The following ZNF407 variants were observed in gnomAD, a reference collection of about 807,000 sequenced individuals.
The protein encoded by ZNF407 is zinc finger protein 407.
ZNF407 carries 17 observed loss-of-function variants against 131.2 expected under a neutral mutation model. The observed-to-expected ratio is 0.13, with a 90% CI of 0.09 to 0.19. ZNF407 has a LOEUF of 0.19. Ranked by LOEUF, ZNF407 falls within the 10% of genes least tolerant of loss-of-function variation. ZNF407 has a pLI of 1.00. For missense variants in ZNF407, 2,681 were observed against 2,830.6 expected, an observed-to-expected ratio of 0.95 and a Z score of 1.20; for synonymous variants, 1,156 against 1,062.0, an observed-to-expected ratio of 1.09 and a Z score of -1.72.
intron 8 of ZNF407, among the ~76,000 whole-genome samples, chr18:75,019,820 G>T (rs1042967234): frequency 2.0e-5 from 3 of 152,080 alleles, no homozygotes; most frequent in Non-Finnish European, 4.4e-5. Context: ...ACCTTCCCAT[G>T]GTGGCAGGAG....
chr18:74,771,552 G>GTTA (rs1969361206), intron 3 of ZNF407, among the ~76,000 whole-genome samples: 1 of 151,680 alleles, frequency 6.6e-6, no homozygotes, highest in South Asian at 2.1e-4. Flanking sequence ...AATAATTTCA[G>GTTA]TTTTATATTA....
At chr18:74,759,766 C>A (rs1969050158) in intron 3 of ZNF407, among the ~76,000 whole-genome samples, 1 of 147,730 alleles carries the variant, frequency 6.8e-6, no homozygotes, top group Non-Finnish European at 1.5e-5. Flanking sequence ...TCTTATTTTC[C>A]TGTATTTCTT....
intron 4 of ZNF407, among the ~76,000 whole-genome samples, chr18:74,870,104 T>TAGA (rs1971066079): frequency 6.6e-6 from 1 of 152,224 alleles, no homozygotes; most frequent in South Asian, 2.1e-4. Flanking sequence ...TGGTTCTTAG[T>TAGA]AGACTGAGGC....
chr18:74,817,218 G>A (rs1970279368), intron 4 of ZNF407, among the ~76,000 whole-genome samples: 2 of 152,250 alleles, frequency 1.3e-5, no homozygotes, highest in South Asian at 4.2e-4. Context: ...TTACTCTTTT[G>A]CAGTTTGGAT....
intron 3 of ZNF407, among the ~76,000 whole-genome samples, chr18:74,702,552 G>C (rs1967523885): frequency 6.6e-6 from 1 of 151,956 alleles, no homozygotes; most frequent in South Asian, 2.1e-4. Flanking sequence ...AAGGCATGTG[G>C]ATATTTTTGA....
chr18:74,851,076 A>T (rs935463960), intron 4 of ZNF407, among the ~76,000 whole-genome samples: 12 of 152,222 alleles, frequency 7.9e-5, no homozygotes, highest in Admixed American at 6.5e-4. Context: ...GTTCTCCTTG[A>T]TACACATTTT....
chr18:74,635,205 C>T lies in ZNF407; in HGVS notation c.4186C>T (p.Gln1396Ter). 1 of 1,613,918 alleles carries T rather than the reference C, an allele frequency of 6.2e-7. No individual in the cohort carries two copies. Residue 1396 changes from glutamine to a stop codon, truncating the protein, a stop_gained, in exon 2 of 9, where the codon CAA (glutamine) becomes TAA (stop). Coordinates refer to ENST00000299687, the MANE Select transcript of ZNF407 (RefSeq NM_017757.3). LOFTEE classifies it high-confidence loss of function. The surrounding 1 kb of genome is among the most constrained non-coding windows in gnomAD (Gnocchi z 4.7). ...ISELPLKDCA[Q>*]GVKKKKSEGS... Reference sequence around the variant, plus strand: ...TGAGCTGCCCTTGAAAGACTGTGCTCAAGGTGTGAAAAAGAAGAAATCTGA... The same window carrying T: ...TGAGCTGCCCTTGAAAGACTGTGCTTAAGGTGTGAAAAAGAAGAAATCTGA...
Position 75,064,494 on chromosome 18 carries a change from A to C in ZNF407, c.*26A>C. On this transcript the variant is annotated 3_prime_UTR_variant, in exon 9 of 9. Transcript: ENST00000299687. ...GACGCGCGGCACCTTTACTCAGCAC[A>C]GGGCAGGTGTGGGAAGGTCCAGCTT... The C allele has an allele frequency of 1.4e-6, 2 of 1,449,588 alleles. No individual in the cohort carries two copies. Among genetic ancestry groups the C allele is most frequent in the Non-Finnish European group, 1.8e-6 (2 of 1,096,346 alleles). 89.8% of individuals were successfully genotyped at this position (1,449,588 alleles called of 1,614,324 possible). A position where few individuals can be genotyped will look rare whatever the true frequency, so the allele number is the denominator to read the frequency against.
intron 4 of ZNF407, among the ~76,000 whole-genome samples, chr18:74,785,848 A>ATGGCCCACATGGCACACACG (rs1232634945): frequency 2.0e-5 from 3 of 151,618 alleles, no homozygotes; most frequent in Non-Finnish European, 4.4e-5. Context: ...TGGCATGCAC[A>ATGGCCCACATGGCACACACG]TGGCCCACAT....
At chr18:74,867,317 G>C (rs1307444956) in intron 4 of ZNF407, among the ~76,000 whole-genome samples, 1 of 152,128 alleles carries the variant, frequency 6.6e-6, no homozygotes, top group East Asian at 1.9e-4. Context: ...GTTTGACCTG[G>C]CACGAATTGC....
chr18:75,044,415 G>A (rs1042187348), intron 8 of ZNF407, among the ~76,000 whole-genome samples: 10 of 151,648 alleles, frequency 6.6e-5, no homozygotes, highest in East Asian at 3.9e-4. Flanking sequence ...ACTCCTTGGC[G>A]GTTCTAGCTT....
chr18:74,617,503 CTCTG>C (rs1397776914), intron 1 of ZNF407, among the ~76,000 whole-genome samples: 2 of 152,202 alleles, frequency 1.3e-5, no homozygotes, highest in Admixed American at 1.3e-4. Context: ...TAAAGCCTTT[CTCTG>C]TCTTTTATGA....
In ZNF407 at chr18:74,676,651, G is replaced by C. The variant is rs577940850; in HGVS notation, c.4802+35529G>C. ...GGGTTTCACCGTGTTAGCCAGGATGGTCTCGATCTCCTGACCTCGTGATCT... is the reference window on the plus strand; with the variant it reads ...GGGTTTCACCGTGTTAGCCAGGATGCTCTCGATCTCCTGACCTCGTGATCT... On this transcript the variant is annotated intron_variant, in intron 3 of 8. Coordinates refer to ENST00000299687, the MANE Select transcript of ZNF407 (RefSeq NM_017757.3). Among the ~76,000 whole-genome samples, 217 of 151,822 alleles carry C rather than the reference G, an allele frequency of 1.4e-3. 1 individual carries two copies. The highest frequency in any genetic ancestry group is 2.5e-3 in the African/African-American group (104 of 41,374).
rs569555895 is a variant in ZNF407, at chr18:74,668,473, C to T, written c.4802+27351C>T. On this transcript the variant is annotated intron_variant, in intron 3 of 8. Transcript: ENST00000299687. The stretch of plus-strand genomic sequence containing the variant: ...TCTGTTCATCACAGTTACGTCTCCA[C>T]AGCCTTTAAAGTTTGCGTGTATAAC... Among the ~76,000 whole-genome samples the T allele has an allele frequency of 3.3e-5, 5 of 152,340 alleles. No individual in the cohort carries two copies. In the East Asian group the frequency reaches 7.7e-4, roughly 24 times the overall value.
In ZNF407 at chr18:74,631,551, A is replaced by G; in HGVS notation, c.532A>G (p.Thr178Ala). 1.2e-6 allele frequency: 2 copies of G among 1,613,760 alleles called. No homozygotes were observed. Among genetic ancestry groups the G allele is most frequent in the South Asian group, 1.1e-5 (1 of 91,086 alleles). ...CCCGAAAGAAATTAGTGTTAGTTGT[A>G]CCATTGGGAATGTAGATACAGTTCT... The part of the protein sequence containing the change: ...FPPKEISVSC[T>A]IGNVDTVLKC... The change falls in exon 2 of 9, where the codon ACC becomes GCC. Residue 178 changes from threonine (T) to alanine (A), a missense_variant. By Grantham distance (58) the Thr-to-Ala change is moderately conservative. Transcript: ENST00000299687.
chr18:74,743,870 G>C (rs1372006728), intron 3 of ZNF407, among the ~76,000 whole-genome samples: 7 of 151,860 alleles, frequency 4.6e-5, no homozygotes, highest in Non-Finnish European at 1.0e-4. Flanking sequence ...GAGTTAATTG[G>C]TACATTAATT....
At chr18:74,795,945 T>C (rs1969911065) in intron 4 of ZNF407, among the ~76,000 whole-genome samples, 1 of 152,246 alleles carries the variant, frequency 6.6e-6, no homozygotes, top group South Asian at 2.1e-4. Flanking sequence ...CCTCCCGCTG[T>C]GCACACGCGC....
intron 4 of ZNF407, among the ~76,000 whole-genome samples, chr18:74,823,602 A>G (rs1195270921): frequency 6.6e-6 from 1 of 152,240 alleles, no homozygotes; most frequent in Admixed American, 6.5e-5. Context: ...ACAAAGATCA[A>G]AAGAGACAAA....
chr18:74,879,050 T>C (rs1599216348), intron 5 of ZNF407, among the ~76,000 whole-genome samples: 1 of 152,266 alleles, frequency 6.6e-6, no homozygotes, highest in Admixed American at 6.5e-5. Flanking sequence ...TCAACTCACA[T>C]AGAAAATTAA....
Sources: allele counts gnomAD v4.1 joint callset (sites outside exome capture counted in the v4.1 genomes callset), GRCh38; gene constraint gnomAD v4.1.1; non-coding constraint Gnocchi (gnomAD v3.1); transcripts MANE v1.5; gene names NCBI Gene and HGNC (gene_info 2026-07-23, HGNC 2026-07-21).